Variants in DAB2IP observed in about 807,000 individuals in gnomAD.
DAB2IP encodes DAB2 interacting protein.
In DAB2IP, 28 loss-of-function variants were observed where a neutral mutation model predicts 107.2. The observed-to-expected ratio is 0.26, with a 90% CI of 0.19 to 0.36. DAB2IP has a LOEUF of 0.36. Ranked by LOEUF, DAB2IP falls within the 10% of genes least tolerant of loss-of-function variation. The pLI is 1.00. For synonymous variants in DAB2IP, 755 were observed against 706.4 expected (o/e 1.07, Z -1.09); for missense variants, 1,400 against 1,644.7 (o/e 0.85, Z 2.57).
intron 3 of DAB2IP, among the ~76,000 whole-genome samples, chr9:121,711,303 C>T (rs1358805802): frequency 6.6e-6 from 1 of 152,172 alleles, no homozygotes; most frequent in African/African-American, 2.4e-5. Context: ...TTCTCAAACT[C>T]AGTGTCAGAG....
rs114684580 is a variant in DAB2IP at position 121,597,081 on chromosome 9, C to A, written c.40+29853C>A. Among the ~76,000 whole-genome samples the A allele has an allele frequency of 3.7e-3, 563 of 152,254 alleles. 3 individuals carry two copies. Among genetic ancestry groups the A allele is most frequent in the African/African-American group, 0.013 (540 of 41,542 alleles). On this transcript the variant is annotated intron_variant, in intron 1 of 16. Transcript: ENST00000259371. ...CCAATCTCCTATTGCCTCTTTAGCA[C>A]ATTGGTTTGTGGAAGGCCTTTGTAT...
At chr9:121,705,671 A>G (rs1830025235) in intron 3 of DAB2IP, among the ~76,000 whole-genome samples, 1 of 152,030 alleles carries the variant, frequency 6.6e-6, no homozygotes, top group Non-Finnish European at 1.5e-5. Flanking sequence ...GTGTGTGAAT[A>G]AGCTCCCCAC....
chr9:121,571,056 C>G (rs1403989659), intron 1 of DAB2IP, among the ~76,000 whole-genome samples: 1 of 152,048 alleles, frequency 6.6e-6, no homozygotes, highest in East Asian at 1.9e-4. Context: ...CCCAAGCTGT[C>G]TCCCCCCAGG....
chr9:121,647,154 C>G (rs771896311), upstream of DAB2IP, among the ~76,000 whole-genome samples: 1 of 152,134 alleles, frequency 6.6e-6, no homozygotes, highest in South Asian at 2.1e-4. Context: ...TGGTGCCCCA[C>G]GCATGAGCAT....
At chr9:121,621,381 T>C (rs1831457902) in intron 1 of DAB2IP, among the ~76,000 whole-genome samples, 2 of 152,228 alleles carry the variant, frequency 1.3e-5, no homozygotes, top group South Asian at 4.2e-4. Flanking sequence ...TCCAGTAGGA[T>C]CCTCCTTGCC....
rs1829659065 is a variant in DAB2IP, at chr9:121,699,640, C to CTG, written c.362+185_362+186dup. ...GACTAGGGGGCCCGAGGGGAGGACC[C>CTG]TGTGCCTCCCTCCGGGGTTAGGTGA... On this transcript the variant is annotated intron_variant, in intron 3 of 15. Transcript: ENST00000408936. This position sits in a 1 kb window ranked among gnomAD's most constrained non-coding sequence, Gnocchi z 6.2. 6.6e-6 allele frequency among the ~76,000 whole-genome samples: 1 copy of CTG among 151,980 alleles called. No homozygotes were observed. The highest frequency in any genetic ancestry group is 2.4e-5 in the African/African-American group (1 of 41,428).
At chr9:121,665,141 A>G (rs1332762291) in intron 1 of DAB2IP, among the ~76,000 whole-genome samples, 1 of 152,224 alleles carries the variant, frequency 6.6e-6, no homozygotes, top group Admixed American at 6.5e-5. Context: ...ATGCCTGTTT[A>G]TATTTGTTAG....
chr9:121,760,392 A>T lies in DAB2IP; in HGVS notation c.1123A>T (p.Met375Leu). Reference sequence around the variant, plus strand: ...CCTCAGTGCCAAGACCAAGGAGGAGATGGCATCTGCCCTGGTGCACATCCT... The same window carrying T: ...CCTCAGTGCCAAGACCAAGGAGGAGTTGGCATCTGCCCTGGTGCACATCCT... The change falls in exon 6 of 16, where the codon ATG becomes TTG. Residue 375 changes from methionine to leucine, a missense_variant. By Grantham distance (15) the Met-to-Leu change is conservative. Transcript: ENST00000408936. This position sits in a 1 kb window ranked among gnomAD's most constrained non-coding sequence, Gnocchi z 5.9. 1 of 1,609,410 alleles carries T rather than the reference A, an allele frequency of 6.2e-7. No individual in the cohort carries two copies. Among genetic ancestry groups the T allele is most frequent in the South Asian group, 1.1e-5 (1 of 91,050 alleles).
intron 1 of DAB2IP, among the ~76,000 whole-genome samples, chr9:121,641,903 T>TCC: frequency 1.2e-5 from 1 of 83,488 alleles, no homozygotes; most frequent in East Asian, 3.8e-4. Flanking sequence ...CTTTCTTTCT[T>TCC]TCTTTCTTTC....
intron 3 of DAB2IP, among the ~76,000 whole-genome samples, chr9:121,700,528 G>C (rs1272986084): frequency 1.3e-5 from 2 of 152,212 alleles, no homozygotes; most frequent in African/African-American, 4.8e-5. Context: ...ACTGGCATCT[G>C]CCTTCGTAGG....
At chr9:121,711,900 C>T (rs1830353175) in intron 3 of DAB2IP, among the ~76,000 whole-genome samples, 1 of 152,156 alleles carries the variant, frequency 6.6e-6, no homozygotes, top group African/African-American at 2.4e-5. Context: ...TACCTGGCAG[C>T]TTGGGCTCTG....
chr9:121,737,356 G>C (rs1832002448), intron 3 of DAB2IP: 1 of 985,366 alleles, frequency 1.0e-6, no homozygotes, highest in Non-Finnish European at 1.2e-6. Flanking sequence ...GAAACCTTTA[G>C]ATGTTGTCAT....
chr9:121,694,904 C>T (rs951978606), intron 2 of DAB2IP, among the ~76,000 whole-genome samples: 7 of 152,158 alleles, frequency 4.6e-5, no homozygotes, highest in East Asian at 1.9e-4. Context: ...TTGACCTCAG[C>T]GTCGTGGCAC....
At chr9:121,619,950 G>A (rs990585532) in intron 1 of DAB2IP, among the ~76,000 whole-genome samples, 7 of 152,236 alleles carry the variant, frequency 4.6e-5, no homozygotes, top group African/African-American at 1.7e-4. Context: ...GTTAAACTGG[G>A]ATACAACATT....
chr9:121,641,324 C>A (rs1384222083), intron 1 of DAB2IP, among the ~76,000 whole-genome samples: 4 of 152,194 alleles, frequency 2.6e-5, no homozygotes, highest in Admixed American at 6.5e-5. Flanking sequence ...CCTACCTGGT[C>A]TTAGGATGCT....
chr9:121,773,613 C>T (rs1834945175), intron 12 of DAB2IP, 118 bp downstream of exon 12: 2 of 1,254,294 alleles, frequency 1.6e-6, no homozygotes, highest in East Asian at 3.0e-5. Flanking sequence ...AGCTGCCATC[C>T]CATCCCACCA....
intron 1 of DAB2IP, among the ~76,000 whole-genome samples, chr9:121,592,465 T>C (rs1312948659): frequency 6.6e-6 from 1 of 152,206 alleles, no homozygotes; most frequent in Non-Finnish European, 1.5e-5. Context: ...CAGTGGCTAA[T>C]GTCCATGTCA....
intron 2 of DAB2IP, among the ~76,000 whole-genome samples, chr9:121,682,138 C>T (rs1324579091): frequency 6.6e-6 from 1 of 152,200 alleles, no homozygotes; most frequent in East Asian, 1.9e-4. Flanking sequence ...GCCAGAAGCA[C>T]CCTCCTCCCT....
intron 3 of DAB2IP, among the ~76,000 whole-genome samples, chr9:121,737,057 G>A (rs1266083842): frequency 1.3e-5 from 2 of 152,162 alleles, no homozygotes; most frequent in Non-Finnish European, 2.9e-5. Flanking sequence ...CTTGCCCACG[G>A]AATGGCAAAT....
Sources: allele counts gnomAD v4.1 joint callset (sites outside exome capture counted in the v4.1 genomes callset), GRCh38; gene constraint gnomAD v4.1.1; non-coding constraint Gnocchi (gnomAD v3.1); transcripts MANE v1.5; gene names NCBI Gene and HGNC (gene_info 2026-07-23, HGNC 2026-07-21).